Variants in SPATS2 observed in about 807,000 individuals in gnomAD.
SPATS2 encodes the protein spermatogenesis associated serine rich 2.
A neutral mutation model predicts 63.7 loss-of-function variants in SPATS2; 38 were observed. The observed-to-expected ratio is 0.60, with a 90% CI of 0.46 to 0.78. The LOEUF (loss-of-function observed/expected upper bound fraction) is 0.78. Ranked by LOEUF, SPATS2 falls within the 30% of genes least tolerant of loss-of-function variation. The pLI is 0.00. For synonymous variants in SPATS2, 207 were observed against 232.9 expected, an observed-to-expected ratio of 0.89 and a Z score of 1.01; for missense variants, 588 against 666.2, an observed-to-expected ratio of 0.88 and a Z score of 1.29.
At chr12:49,484,246 T>C (rs1293057982) in intron 3 of SPATS2, among the ~76,000 whole-genome samples, 1 of 152,230 alleles carries the variant, frequency 6.6e-6, no homozygotes, top group African/African-American at 2.4e-5. Context: ...TCAGATTCTT[T>C]AGTGTTAAAT....
Position 49,389,654 on chromosome 12 carries a change from CAGAA to C in SPATS2, c.-244+18370_-244+18373del, listed in dbSNP as rs1309003812. 5 of 1,326,202 alleles carry C rather than the reference CAGAA, an allele frequency of 3.8e-6. No individual in the cohort carries two copies. In the Admixed American group the frequency reaches 8.4e-5, roughly 22 times the overall value. The allele number at this position is 1,326,202 out of a possible 1,614,324, so 82.2% of individuals were successfully genotyped here. On this transcript the variant is annotated intron_variant, in intron 2 of 13. Coordinates refer to ENST00000552918, the MANE Select transcript of SPATS2 (RefSeq NM_023071.4). The stretch of plus-strand genomic sequence containing the variant: ...GCGAGTAGAAGCCACGAAGCAGTAT[CAGAA>C]AGAAATTCAAGAGCTTAATGAAGTC...
At chr12:49,452,740 A>G (rs1945645618) in intron 2 of SPATS2, among the ~76,000 whole-genome samples, 1 of 151,262 alleles carries the variant, frequency 6.6e-6, no homozygotes, top group East Asian at 1.9e-4. Flanking sequence ...CCCTGTTTAT[A>G]TCATGGTTCT....
chr12:49,397,083 C>T (rs546279767), intron 2 of SPATS2, among the ~76,000 whole-genome samples: 1 of 152,284 alleles, frequency 6.6e-6, no homozygotes, highest in East Asian at 1.9e-4. Flanking sequence ...GCTACAGGGC[C>T]TTTGTACTTG....
intron 9 of SPATS2, among the ~76,000 whole-genome samples, chr12:49,504,311 T>TA (rs1946618946): frequency 1.3e-5 from 2 of 152,224 alleles, no homozygotes; most frequent in Admixed American, 6.5e-5. Context: ...TTCTAATGTA[T>TA]AAAACTTAAA....
At chr12:49,388,686 T>C (rs1382847942) in intron 2 of SPATS2, among the ~76,000 whole-genome samples, 1 of 149,836 alleles carries the variant, frequency 6.7e-6, no homozygotes, top group Non-Finnish European at 1.5e-5. Flanking sequence ...TTGAACCACA[T>C]TTTTTTTTCC....
chr12:49,416,543 A>C (rs1292590747), intron 2 of SPATS2, among the ~76,000 whole-genome samples: 1 of 152,022 alleles, frequency 6.6e-6, no homozygotes, highest in African/African-American at 2.4e-5. Context: ...GCTGGAGTGC[A>C]GTGGCTTGAT....
At chr12:49,515,167 A>G (rs1175244238) in intron 10 of SPATS2, among the ~76,000 whole-genome samples, 1 of 152,240 alleles carries the variant, frequency 6.6e-6, no homozygotes, top group Non-Finnish European at 1.5e-5. Context: ...TGGAGGAATG[A>G]AGTCTAACTT....
In SPATS2 at chr12:49,513,864, G is replaced by A. The variant is rs1274157969; in HGVS notation, c.840-691G>A. Among the ~76,000 whole-genome samples, 5 of 152,024 alleles carry A rather than the reference G, an allele frequency of 3.3e-5. No homozygotes were observed. The East Asian group carries it at 5.8e-4, about 18-fold the overall frequency. On this transcript the variant is annotated intron_variant, in intron 9 of 13. Coordinates refer to ENST00000552918, the MANE Select transcript of SPATS2 (RefSeq NM_023071.4). ...ATAGACCAAAATATAAATATAAAAA[G>A]TATGAGTACAGGCCGGGCGCGGTGG...
intron 9 of SPATS2, among the ~76,000 whole-genome samples, chr12:49,505,551 G>T (rs1032492128): frequency 6.6e-6 from 1 of 152,058 alleles, no homozygotes; most frequent in African/African-American, 2.4e-5. Context: ...GCTCCAATGA[G>T]TATTTTCTTT....
intron 2 of SPATS2, among the ~76,000 whole-genome samples, chr12:49,414,824 C>T (rs1356459399): frequency 1.3e-5 from 2 of 151,946 alleles, no homozygotes; most frequent in Non-Finnish European, 2.9e-5. Flanking sequence ...GTCTTGAACT[C>T]CTGGCCTCAA....
chr12:49,380,082 TGACC>T (rs1944187516), intron 2 of SPATS2, among the ~76,000 whole-genome samples: 1 of 152,204 alleles, frequency 6.6e-6, no homozygotes, highest in African/African-American at 2.4e-5. Flanking sequence ...ACACAATATA[TGACC>T]TTTTGTGTCT....
chr12:49,417,974 G>T (rs1021174214), intron 2 of SPATS2, among the ~76,000 whole-genome samples: 1 of 152,106 alleles, frequency 6.6e-6, no homozygotes, highest in African/African-American at 2.4e-5. Flanking sequence ...TCCACCTCCC[G>T]GCTTATGCCA....
chr12:49,434,628 C>G (rs1032185618), intron 2 of SPATS2, among the ~76,000 whole-genome samples: 2 of 152,116 alleles, frequency 1.3e-5, no homozygotes, highest in Non-Finnish European at 2.9e-5. Context: ...TGTCTGTTCT[C>G]TCATTTCTAT....
chr12:49,427,058 T>C (rs1016927689), intron 2 of SPATS2, among the ~76,000 whole-genome samples: 3 of 152,124 alleles, frequency 2.0e-5, no homozygotes, highest in African/African-American at 2.4e-5. Flanking sequence ...TTTTAGTAGA[T>C]TTTGCTAAAC....
intron 2 of SPATS2, among the ~76,000 whole-genome samples, chr12:49,449,219 G>C (rs1407337421): frequency 6.6e-6 from 1 of 152,070 alleles, no homozygotes. Flanking sequence ...TTGTTTGTTT[G>C]TTTGTTTGTT....
At chr12:49,373,646 G>A (rs1252898131) in intron 2 of SPATS2, among the ~76,000 whole-genome samples, 1 of 151,972 alleles carries the variant, frequency 6.6e-6, no homozygotes, top group Non-Finnish European at 1.5e-5. Flanking sequence ...AAAAATTAGA[G>A]CTGGGCATGG....
At chr12:49,507,144 T>G (rs1946667649) in intron 9 of SPATS2, among the ~76,000 whole-genome samples, 1 of 152,220 alleles carries the variant, frequency 6.6e-6, no homozygotes, top group African/African-American at 2.4e-5. Context: ...AAATCACTAT[T>G]ATTCTTAAGT....
rs554218912 is a variant in SPATS2 at position 49,374,893 on chromosome 12, G to A, written c.-244+3603G>A. 6.0e-5 allele frequency among the ~76,000 whole-genome samples: 9 copies of A among 149,612 alleles called. No homozygotes were observed. The South Asian group carries it at 1.3e-3, about 21-fold the overall frequency. The stretch of plus-strand genomic sequence containing the variant: ...GGAGAATCACTTGAACCTGGCAGGC[G>A]GAGGTTGCAGTGGGCCGAGATTGTG... On this transcript the variant is annotated intron_variant, in intron 2 of 13. Coordinates refer to ENST00000552918, the MANE Select transcript of SPATS2 (RefSeq NM_023071.4).
At chr12:49,503,273 C>T (rs1946596726) in intron 9 of SPATS2, among the ~76,000 whole-genome samples, 1 of 151,616 alleles carries the variant, frequency 6.6e-6, no homozygotes, top group African/African-American at 2.4e-5. Flanking sequence ...TTGCTTGAAC[C>T]CAGGAGGTGG....
Sources: allele counts gnomAD v4.1 joint callset (sites outside exome capture counted in the v4.1 genomes callset), GRCh38; gene constraint gnomAD v4.1.1; transcripts MANE v1.5; gene names NCBI Gene and HGNC (gene_info 2026-07-23, HGNC 2026-07-21).